PLEKHG5: variants seen among roughly 807,000 people sequenced by gnomAD.
PLEKHG5 encodes pleckstrin homology domain-containing family G member 5.
A neutral mutation model predicts 103.8 loss-of-function variants in PLEKHG5; 52 were observed. The ratio of observed to expected loss-of-function variants is 0.50; its 90% confidence interval spans 0.40 to 0.63. The LOEUF (loss-of-function observed/expected upper bound fraction) is 0.63. PLEKHG5 is among the 30% of genes least tolerant of loss of function. PLEKHG5 has a pLI of 0.00. For missense variants in PLEKHG5, 1,205 were observed against 1,347.6 expected, an observed-to-expected ratio of 0.89 and a Z score of 1.66; for synonymous variants, 592 against 575.5, an observed-to-expected ratio of 1.03 and a Z score of -0.41.
At chr1:6,501,646 G>A (rs1645298051), upstream of PLEKHG5, among the ~76,000 whole-genome samples, 1 of 152,212 alleles carries the variant, frequency 6.6e-6, no homozygotes, top group Non-Finnish European at 1.5e-5. This position sits in a 1 kb window ranked among gnomAD's most constrained non-coding sequence, Gnocchi z 4.3. Flanking sequence ...CTGAGGCGTG[G>A]AGGGTAGAGA....
chr1:6,506,896 A>G (rs1034236328), intron 1 of PLEKHG5, among the ~76,000 whole-genome samples: 3 of 151,930 alleles, frequency 2.0e-5, no homozygotes, highest in Non-Finnish European at 2.9e-5. Context: ...GCCTACACCA[A>G]TGGCAGCGCA....
upstream of PLEKHG5, among the ~76,000 whole-genome samples, chr1:6,493,956 G>A (rs1324293387): frequency 6.7e-6 from 1 of 149,466 alleles, no homozygotes; most frequent in Non-Finnish European, 1.5e-5. Context: ...CCCTGCGCCT[G>A]GCCTGTTATT....
chr1:6,505,768 C>G lies in PLEKHG5; in HGVS notation c.-164-9199G>C, dbSNP rs910962498. 1.3e-5 allele frequency among the ~76,000 whole-genome samples: 2 copies of G among 152,206 alleles called. No homozygotes were observed. Among genetic ancestry groups the G allele is most frequent in the African/African-American group, 2.4e-5 (1 of 41,464 alleles). On this transcript the variant is annotated intron_variant, in intron 1 of 21. Transcript: ENST00000377740. The surrounding 1 kb of genome is among the most constrained non-coding windows in gnomAD (Gnocchi z 4.2). Reference sequence around the variant, plus strand: ...CAGGCCTGAAGCCCAGTGCAGGGCCCACGCTGCCCAGCCAGGCCAGCCCTG... The same window carrying G: ...CAGGCCTGAAGCCCAGTGCAGGGCCGACGCTGCCCAGCCAGGCCAGCCCTG...
At chr1:6,517,660 C>T (rs1364657983) in intron 1 of PLEKHG5, among the ~76,000 whole-genome samples, 2 of 152,130 alleles carry the variant, frequency 1.3e-5, no homozygotes, top group African/African-American at 4.8e-5. Flanking sequence ...GGGGATGGCC[C>T]TGGGAGGAAT....
rs757727499 is a variant in PLEKHG5 at position 6,470,300 on chromosome 1, G to T, written c.1736C>A (p.Pro579Gln). 1.2e-6 allele frequency: 2 copies of T among 1,613,970 alleles called. No homozygotes were observed. The highest frequency in any genetic ancestry group is 1.1e-5 in the South Asian group (1 of 91,070). The change falls in exon 16 of 21, where the codon CCG (proline) becomes CAG (glutamine). Residue 579 changes from proline (P) to glutamine (Q), a missense_variant. By Grantham distance (76) the Pro-to-Gln change is moderately conservative. Transcript: ENST00000377728. ...DLTAPIPGAS[P>Q]EETRQLLLEG... ...CAGCAGCAGCTGCCGCGTCTCCTCC[G>T]GGGAGGCGCCAGGGATGGGCGCTGT...
chr1:6,500,630 C>T (rs535539085), upstream of PLEKHG5, among the ~76,000 whole-genome samples: 3 of 151,026 alleles, frequency 2.0e-5, no homozygotes, highest in East Asian at 2.0e-4. Context: ...CTACCCCCTC[C>T]GCTAAGCAAA....
chr1:6,502,929 G>C (rs547709864), intron 1 of PLEKHG5, among the ~76,000 whole-genome samples: 1 of 152,348 alleles, frequency 6.6e-6, no homozygotes, highest in African/African-American at 2.4e-5. Flanking sequence ...CGGCCCCGGG[G>C]AGAGCTGGGG....
At chr1:6,516,872 A>ATGTGTGTG (rs1557774821) in intron 1 of PLEKHG5, among the ~76,000 whole-genome samples, 1 of 28,998 alleles carries the variant, frequency 3.4e-5, no homozygotes, top group Non-Finnish European at 1.2e-4. Flanking sequence ...ATGTGTATAT[A>ATGTGTGTG]TATATATATA....
intron 1 of PLEKHG5, among the ~76,000 whole-genome samples, chr1:6,516,441 G>C (rs1190657933): frequency 1.3e-5 from 2 of 152,168 alleles, no homozygotes; most frequent in Admixed American, 1.3e-4. Context: ...TGGATCACCT[G>C]AGGTCAGGAG....
chr1:6,496,651 G>A, upstream of PLEKHG5: 2 of 1,004,658 alleles, frequency 2.0e-6, no homozygotes, highest in Non-Finnish European at 2.9e-6. Context: ...CCGGAGGAGG[G>A]GTGGGGTGAT....
chr1:6,511,611 C>G lies in PLEKHG5; in HGVS notation c.-165+7834G>C, dbSNP rs376530681. Among the ~76,000 whole-genome samples, 7 of 152,344 alleles carry G rather than the reference C, an allele frequency of 4.6e-5. No individual in the cohort carries two copies. The East Asian group carries it at 7.7e-4, about 17-fold the overall frequency. On this transcript the variant is annotated intron_variant, in intron 1 of 21. Transcript: ENST00000377740. The stretch of plus-strand genomic sequence containing the variant: ...CCCAGACAGGCCTTTCTCCAATCCT[C>G]AGGGCCCCCAGGCGCTGGGACTGAG...
At chr1:6,500,058 T>A (rs901608913), upstream of PLEKHG5, among the ~76,000 whole-genome samples, 3 of 152,168 alleles carry the variant, frequency 2.0e-5, no homozygotes, top group African/African-American at 7.2e-5. Flanking sequence ...TGCCTTGGCC[T>A]CCTAAAGTGC....
At position 6,486,295 on chromosome 1, in the gene PLEKHG5, C is replaced by T. The variant is rs865885260; in HGVS notation, c.-88+5342G>A. Reference sequence around the variant, plus strand: ...CCGGCTCTCCATCTAGCCCCAGGGACACCCCTCTCTGCTCCAACACCAGCT... The same window carrying T: ...CCGGCTCTCCATCTAGCCCCAGGGATACCCCTCTCTGCTCCAACACCAGCT... On this transcript the variant is annotated intron_variant, in intron 1 of 20. Transcript: ENST00000377728. This position sits in a 1 kb window ranked among gnomAD's most constrained non-coding sequence, Gnocchi z 5.3. 2.6e-5 allele frequency among the ~76,000 whole-genome samples: 4 copies of T among 152,282 alleles called. No homozygotes were observed. Among genetic ancestry groups the T allele is most frequent in the African/African-American group, 9.6e-5 (4 of 41,566 alleles).
At chr1:6,507,822 C>T (rs758947118) in intron 1 of PLEKHG5, among the ~76,000 whole-genome samples, 34 of 152,366 alleles carry the variant, frequency 2.2e-4, no homozygotes, top group Non-Finnish European at 4.1e-4. Flanking sequence ...GCCTTCATCA[C>T]TGGCACCCAC....
intron 2 of PLEKHG5, 36 bp downstream of exon 2, chr1:6,477,493 T>C (rs1644792695): frequency 1.2e-6 from 2 of 1,605,054 alleles, no homozygotes; most frequent in Non-Finnish European, 1.7e-6. Context: ...ACACAGGAGC[T>C]CTGGGGGCCG....
At chr1:6,478,896 G>C (rs555146851) in intron 1 of PLEKHG5, among the ~76,000 whole-genome samples, 3 of 152,210 alleles carry the variant, frequency 2.0e-5, no homozygotes, top group Non-Finnish European at 4.4e-5. Context: ...CGCCTGCCTC[G>C]GCCTCCCAAA....
chr1:6,491,285 A>C lies in PLEKHG5; in HGVS notation c.-88+352T>G, dbSNP rs1184029959. On this transcript the variant is annotated intron_variant, in intron 1 of 20. Coordinates refer to ENST00000377728, the MANE Select transcript of PLEKHG5 (RefSeq NM_020631.6). The surrounding 1 kb of genome is among the most constrained non-coding windows in gnomAD (Gnocchi z 4.1). ...TCCACCAACCTGTTCCGCACTTTCA[A>C]GCTTTTTATACAGCCTTCCCCCGAC... is the stretch of plus-strand genomic sequence containing the variant. Among the ~76,000 whole-genome samples the C allele has an allele frequency of 6.6e-6, 1 of 151,992 alleles. No individual in the cohort carries two copies. Among genetic ancestry groups the C allele is most frequent in the African/African-American group, 2.4e-5 (1 of 41,374 alleles).
chr1:6,493,539 A>G (rs1445317652), upstream of PLEKHG5, among the ~76,000 whole-genome samples: 1 of 152,226 alleles, frequency 6.6e-6, no homozygotes, highest in Non-Finnish European at 1.5e-5. Flanking sequence ...TCATGTGGTC[A>G]TAAGAATAAC....
chr1:6,495,104 C>T (rs1419644236), upstream of PLEKHG5, among the ~76,000 whole-genome samples: 7 of 152,242 alleles, frequency 4.6e-5, no homozygotes, highest in Admixed American at 3.9e-4. Context: ...TTGCCCCAGC[C>T]GCCCCTTCAG....
Sources: allele counts gnomAD v4.1 joint callset (sites outside exome capture counted in the v4.1 genomes callset), GRCh38; gene constraint gnomAD v4.1.1; non-coding constraint Gnocchi (gnomAD v3.1); transcripts MANE v1.5; gene names NCBI Gene and HGNC (gene_info 2026-07-23, HGNC 2026-07-21).